THBS4: variants seen among roughly 807,000 people sequenced by gnomAD.
The protein encoded by THBS4 is thrombospondin 4, also known as thrombospondin-4.
THBS4 carries 90 observed loss-of-function variants against 115.7 expected under a neutral mutation model. The ratio of observed to expected loss-of-function variants is 0.78; its 90% CI spans 0.66 to 0.93. The LOEUF (loss-of-function observed/expected upper bound fraction) is 0.93. THBS4 is among the 40% of genes least tolerant of loss of function. THBS4 has a pLI of 0.00. For synonymous variants in THBS4, 460 were observed against 479.3 expected (o/e 0.96, Z 0.53); for missense variants, 1,087 against 1,232.7 (o/e 0.88, Z 1.77).
chr5:80,040,940 C>G (rs1028939648), intron 2 of THBS4, among the ~76,000 whole-genome samples: 1 of 151,948 alleles, frequency 6.6e-6, no homozygotes. Context: ...CCCACTCTCT[C>G]AAGAACTAAT....
chr5:80,002,299 A>G (rs1324950535), intron 2 of THBS4, among the ~76,000 whole-genome samples: 1 of 152,108 alleles, frequency 6.6e-6, no homozygotes, highest in African/African-American at 2.4e-5. Context: ...CTCTACCAAG[A>G]CACATCTGCT....
At chr5:80,055,649 C>T in intron 2 of THBS4, 136 bp from the exon 3 acceptor site, 1 of 1,262,968 alleles carries the variant, frequency 7.9e-7, no homozygotes, top group South Asian at 1.5e-5. Context: ...TTATTTCTCA[C>T]TCACATTCCG....
chr5:80,083,237 A>G lies in THBS4; in HGVS notation c.*96A>G. 9.2e-7 allele frequency: 1 copy of G among 1,091,694 alleles called. No individual in the cohort carries two copies. The highest frequency in any genetic ancestry group is 1.4e-6 in the Non-Finnish European group (1 of 711,476). The allele number at this position is 1,091,694 out of a possible 1,614,324, so 67.6% of individuals were successfully genotyped here. A position where few individuals can be genotyped will look rare whatever the true frequency, so the allele number is the denominator to read the frequency against. On this transcript the variant is annotated 3_prime_UTR_variant, in exon 22 of 22. Transcript: ENST00000350881. ...AGCTTTTACCAACCCAAATATATCA[A>G]AACGTTTTATGTGAATGTGGCAATA... is the stretch of plus-strand genomic sequence containing the variant.
intron 2 of THBS4, among the ~76,000 whole-genome samples, chr5:80,054,899 T>C (rs1833372599): frequency 6.6e-6 from 1 of 152,244 alleles, no homozygotes; most frequent in Non-Finnish European, 1.5e-5. Flanking sequence ...AGTCATGGAA[T>C]GAATCACACT....
intron 8 of THBS4, among the ~76,000 whole-genome samples, chr5:80,065,089 G>A (rs1021156790): frequency 8.6e-5 from 13 of 151,466 alleles, no homozygotes; most frequent in Admixed American, 7.9e-4. Context: ...TCATTTAGGA[G>A]AACTGCATTG....
chr5:80,001,467 G>T (rs994233903), intron 2 of THBS4, among the ~76,000 whole-genome samples: 1 of 152,196 alleles, frequency 6.6e-6, no homozygotes, highest in African/African-American at 2.4e-5. Flanking sequence ...ACTGAATGGC[G>T]TACATGGAGG....
intron 2 of THBS4, among the ~76,000 whole-genome samples, chr5:80,019,089 C>T (rs941189157): frequency 4.0e-5 from 6 of 148,926 alleles, no homozygotes; most frequent in Non-Finnish European, 8.9e-5. Flanking sequence ...CTGCATTTCT[C>T]ACTGGCTCAA....
upstream of THBS4, among the ~76,000 whole-genome samples, chr5:80,034,711 A>C (rs750709995): frequency 1.2e-4 from 18 of 152,340 alleles, no homozygotes; most frequent in South Asian, 1.0e-3. Flanking sequence ...CTCTGTCTGG[A>C]TGGATTCCTT....
intron 2 of THBS4, among the ~76,000 whole-genome samples, chr5:80,048,178 A>T (rs938501609): frequency 1.3e-5 from 2 of 152,246 alleles, no homozygotes; most frequent in Admixed American, 1.3e-4. Context: ...TTTGGAATGA[A>T]GATCAGACTA....
chr5:79,993,087 C>T (rs894241338), intron 1 of THBS4, among the ~76,000 whole-genome samples: 3 of 152,194 alleles, frequency 2.0e-5, no homozygotes, highest in African/African-American at 7.2e-5. Flanking sequence ...AGTGAATGAA[C>T]ATTCTTAGTG....
In THBS4 at chr5:80,082,459, A is replaced by G; in HGVS notation, c.2738A>G (p.Asp913Gly). The part of the protein sequence containing the change: ...ELVADSGVTI[D>G]TTMRGGRLGV... ...GTGGCTGACTCTGGCGTCACCATAG[A>G]CACCACAATGCGTGGAGGCCGACTT... The change falls in exon 21 of 22, where the codon GAC (aspartate) becomes GGC (glycine). Residue 913 changes from aspartate to glycine, a missense_variant. Physicochemically the swap from Asp to Gly is moderately conservative, Grantham distance 94. Around this residue, in one of 3 missense-constraint regions of THBS4, gnomAD observed 103 missense variants for 108.2 expected, o/e 0.95. Coordinates refer to ENST00000350881, the MANE Select transcript of THBS4 (RefSeq NM_003248.6). 1 of 1,614,212 alleles carries G rather than the reference A, an allele frequency of 6.2e-7. No homozygotes were observed. The highest frequency in any genetic ancestry group is 1.7e-4 in the Middle Eastern group (1 of 6,060).
At chr5:80,059,997 T>C in intron 7 of THBS4, 92 bp downstream of exon 7, 1 of 1,256,430 alleles carries the variant, frequency 8.0e-7, no homozygotes. Context: ...GATTAAGGGC[T>C]GACTTGGGCT....
intron 6 of THBS4, 46 bp from the exon 7 acceptor site, chr5:80,059,657 A>G (rs2112097678): frequency 2.5e-6 from 4 of 1,607,788 alleles, no homozygotes; most frequent in African/African-American, 1.3e-5. Flanking sequence ...CCTTCTGTAT[A>G]TCTTCCTGGC....
At chr5:79,992,878 T>G (rs936574724) in intron 1 of THBS4, among the ~76,000 whole-genome samples, 6 of 152,224 alleles carry the variant, frequency 3.9e-5, no homozygotes, top group African/African-American at 1.4e-4. Flanking sequence ...AGTAAAGTAA[T>G]TCAACTTTCA....
chr5:80,049,711 A>G (rs1421240433), intron 2 of THBS4, among the ~76,000 whole-genome samples: 2 of 152,194 alleles, frequency 1.3e-5, no homozygotes, highest in Non-Finnish European at 2.9e-5. Context: ...ACTTGGCAGC[A>G]TGAAGGGACT....
At chr5:80,023,685 A>G (rs1437798049) in intron 2 of THBS4, among the ~76,000 whole-genome samples, 2 of 152,194 alleles carry the variant, frequency 1.3e-5, no homozygotes, top group African/African-American at 2.4e-5. Context: ...AGAGAGGTCT[A>G]TTTGGCTTAT....
At chr5:80,064,084 T>C (rs1254603946) in intron 8 of THBS4, among the ~76,000 whole-genome samples, 7 of 152,166 alleles carry the variant, frequency 4.6e-5, no homozygotes, top group African/African-American at 7.2e-5. Flanking sequence ...AGAACCACCT[T>C]ATCAATTACA....
chr5:80,035,505 C>T lies in THBS4; in HGVS notation c.-33C>T, dbSNP rs554380164. The T allele has an allele frequency of 3.1e-6, 4 of 1,299,436 alleles. No homozygotes were observed. The highest frequency in any genetic ancestry group is 4.0e-5 in the Admixed American group (1 of 25,234). The allele number at this position is 1,299,436 out of a possible 1,614,324, so 80.5% of individuals were successfully genotyped here. ...CCAGGCGGGGCCAACGCCGCCGTCG[C>T]CCCCGGCCTCGCGGGGAGCAGGAAG... On this transcript the variant is annotated 5_prime_UTR_variant, in exon 1 of 22. Transcript: ENST00000350881. The surrounding 1 kb of genome is among the most constrained non-coding windows in gnomAD (Gnocchi z 4.6).
rs549167419 is a variant in THBS4, at chr5:80,019,263, A to G, written n.178-20814A>G. Among the ~76,000 whole-genome samples, 17 of 152,344 alleles carry G rather than the reference A, an allele frequency of 1.1e-4. 1 individual carries two copies. In the East Asian group the frequency reaches 3.1e-3, roughly 28 times the overall value. ...CATTCTATAGAGCCTGGATTCTTCA[A>G]AAAAGTCATACACACACACACATGT... On this transcript the variant is annotated intron_variant and non_coding_transcript_variant, in intron 2 of 3. Transcript: ENST00000510218.
Sources: allele counts gnomAD v4.1 joint callset (sites outside exome capture counted in the v4.1 genomes callset), GRCh38; gene constraint gnomAD v4.1.1; regional missense constraint gnomAD v4.1.1; non-coding constraint Gnocchi (gnomAD v3.1); transcripts MANE v1.5; gene names NCBI Gene and HGNC (gene_info 2026-07-23, HGNC 2026-07-21).